PKD2L1: variants seen among roughly 807,000 people sequenced by gnomAD.
The protein encoded by PKD2L1 is polycystin 2 like 1, transient receptor potential cation channel.
PKD2L1 carries 77 observed loss-of-function variants against 93.0 expected under a neutral mutation model. That is an observed-to-expected ratio of 0.83 (90% confidence interval 0.69 to 1.00). The LOEUF (loss-of-function observed/expected upper bound fraction) is 1.00. Among genes scored for constraint, PKD2L1 ranks in the 50% least tolerant of loss-of-function variants. PKD2L1 has a pLI of 0.00. For synonymous variants in PKD2L1, 390 were observed against 388.0 expected (o/e 1.01, Z -0.06); for missense variants, 977 against 990.9 (o/e 0.99, Z 0.19).
intron 2 of PKD2L1, among the ~76,000 whole-genome samples, chr10:100,326,084 G>T (rs77666195): frequency 0.018 from 2,814 of 152,164 alleles, 53 homozygotes; most frequent in Middle Eastern, 0.051. Flanking sequence ...CTTAGCACAG[G>T]ACTATCATCT....
chr10:100,310,008 T>C (rs1848897333), intron 2 of PKD2L1, among the ~76,000 whole-genome samples: 1 of 152,184 alleles, frequency 6.6e-6, no homozygotes, highest in Admixed American at 6.5e-5. Context: ...TCCAAAAAGG[T>C]TGCACCATTT....
chr10:100,294,589 G>A lies in PKD2L1; in HGVS notation c.1605C>T (p.Ile535=). The change falls in exon 9 of 16, where the codon ATC becomes ATT. Residue 535 remains isoleucine (I), a synonymous_variant. Transcript: ENST00000318222. ...AGGTGACAAAGTAGGCAGGGCCCAG[G>A]ATGCGGTTGGCATTGTCGATAGCAT... ...DYNAIDNANR[I]LGPAYFVTYV... is the part of the protein sequence containing the mutation. 6.2e-7 allele frequency: 1 copy of A among 1,614,026 alleles called. No individual in the cohort carries two copies. Among genetic ancestry groups the A allele is most frequent in the Non-Finnish European group, 8.5e-7 (1 of 1,179,964 alleles).
Position 100,297,104 on chromosome 10 carries a change from C to T in PKD2L1, c.1061G>A (p.Gly354Asp), listed in dbSNP as rs371295711. 6.2e-7 allele frequency: 1 copy of T among 1,614,160 alleles called. No homozygotes were observed. The highest frequency in any genetic ancestry group is 1.7e-5 in the Admixed American group (1 of 60,020). ...GAAGACGCAGAAGATGACCTCACAG[C>T]CAACGATAAAGAAGTCCCAGTTGCT... ...YVSNWDFFIV[G>D]CEVIFCVFIF... Residue 354 changes from glycine to aspartate, a missense_variant, in exon 6 of 16, where the codon GGC (glycine) becomes GAC (aspartate). Transcript: ENST00000318222.
At position 100,328,759 on chromosome 10, in the gene PKD2L1, T is replaced by C. The variant is rs148465510; in HGVS notation, c.349+452A>G. Among the ~76,000 whole-genome samples the C allele has an allele frequency of 6.3e-3, 959 of 152,290 alleles. 9 individuals carry two copies. The highest frequency in any genetic ancestry group is 0.021 in the African/African-American group (891 of 41,552). The stretch of plus-strand genomic sequence containing the variant: ...CAGGCACCTGCCACCCAGCTAATTT[T>C]TGTATTTTTAGTAGAGACAGGGTTT... On this transcript the variant is annotated intron_variant, in intron 2 of 15. Transcript: ENST00000318222.
At chr10:100,306,790 C>CAAGGCTGCA (rs1031296501) in intron 2 of PKD2L1, among the ~76,000 whole-genome samples, 10 of 128,998 alleles carry the variant, frequency 7.8e-5, no homozygotes, top group African/African-American at 2.9e-4. Flanking sequence ...CTTAGGAGAT[C>CAAGGCTGCA]AAGGCTGCAG....
intron 7 of PKD2L1, 49 bp from the exon 8 acceptor site, chr10:100,295,172 C>T (rs749839144): frequency 2.6e-6 from 4 of 1,537,132 alleles, no homozygotes; most frequent in Non-Finnish European, 2.7e-6. Flanking sequence ...AAGGGAAAAG[C>T]ATTGAAAAGT....
At chr10:100,294,677 T>C in intron 8 of PKD2L1, 22 bp from the exon 9 acceptor site, 1 of 1,613,850 alleles carries the variant, frequency 6.2e-7, no homozygotes, top group Non-Finnish European at 8.5e-7. Flanking sequence ...GGTCTGGGCT[T>C]TACCCAGAGC....
chr10:100,291,561 T>A (rs1447923146), intron 11 of PKD2L1, 134 bp from the exon 12 acceptor site: 1 of 821,794 alleles, frequency 1.2e-6, no homozygotes, highest in Non-Finnish European at 1.9e-6. Context: ...AGTCTAGCAA[T>A]CTTACCCCCA....
At chr10:100,299,462 C>T (rs1848628470) in intron 3 of PKD2L1, 129 bp downstream of exon 3, 1 of 800,420 alleles carries the variant, frequency 1.2e-6, no homozygotes, top group Admixed American at 2.2e-5. Context: ...TTAATTCAGC[C>T]TGGCCCTTTG....
Position 100,297,618 on chromosome 10 carries a change from A to G in PKD2L1, c.732-12T>C. 2 of 1,607,698 alleles carry G rather than the reference A, an allele frequency of 1.2e-6. No homozygotes were observed. On this transcript the variant is annotated splice_polypyrimidine_tract_variant and intron_variant, in intron 4 of 15. Transcript: ENST00000318222. Reference sequence around the variant, plus strand: ...AGTGGTATGTCCACCTGCCACAGAAAATGCCAGCTGAGCCAGCCCAAAAGT... The same window carrying G: ...AGTGGTATGTCCACCTGCCACAGAAGATGCCAGCTGAGCCAGCCCAAAAGT...
rs1481726553 is a variant in PKD2L1 at position 100,297,480 on chromosome 10, C to T, written c.858G>A (p.Arg286=). 1 of 1,614,078 alleles carries T rather than the reference C, an allele frequency of 6.2e-7. No homozygotes were observed. Among genetic ancestry groups the T allele is most frequent in the South Asian group, 1.1e-5 (1 of 91,080 alleles). ...CCAGCCACAGCCCCTCCTGAAGGGCCCGGAGAGCCTCTGCACTACCCTGTC... is the reference window on the plus strand; with the variant it reads ...CCAGCCACAGCCCCTCCTGAAGGGCTCGGAGAGCCTCTGCACTACCCTGTC... ...GSRQGSAEAL[R]ALQEGLWLDR... The change falls in exon 5 of 16, where the codon CGG becomes CGA. Residue 286 remains arginine, a synonymous_variant. Coordinates refer to ENST00000318222, the MANE Select transcript of PKD2L1 (RefSeq NM_016112.3).
chr10:100,299,842 T>C lies in PKD2L1; in HGVS notation c.350-124A>G, dbSNP rs59961385. On this transcript the variant is annotated intron_variant, in intron 2 of 15. Transcript: ENST00000318222. ...GCCCATCCCCCATCTGGACCCATCC[T>C]CTAGACTTGGTTAGGAGCCTAATGG... The C allele has an allele frequency of 0.014, 11,776 of 813,322 alleles. 930 individuals carry two copies. In the African/African-American group the frequency reaches 0.17, roughly 12 times the overall value. 50.4% of individuals were successfully genotyped at this position (813,322 alleles called of 1,614,324 possible). A position where few individuals can be genotyped will look rare whatever the true frequency, so the allele number is the denominator to read the frequency against.
At chr10:100,319,153 T>A (rs1260623) in intron 2 of PKD2L1, among the ~76,000 whole-genome samples, 147,052 of 152,344 alleles carry the variant, frequency 0.97, 71,084 homozygotes, top group Middle Eastern at 0.99. Context: ...GCTGAGATGT[T>A]TTTCAATATT....
chr10:100,296,133 C>T lies in PKD2L1; in HGVS notation c.1345G>A (p.Ala449Thr), dbSNP rs149093514. 378 of 1,608,534 alleles carry T rather than the reference C, an allele frequency of 2.3e-4. 3 individuals carry two copies. Among genetic ancestry groups the T allele is most frequent in the South Asian group, 3.3e-4 (30 of 89,908 alleles). Residue 449 changes from alanine to threonine, a missense_variant, in exon 7 of 16, where the codon GCC becomes ACC. Ala to Thr is a moderately conservative substitution (Grantham distance 58). Transcript: ENST00000318222. ...NNMNAVNLFF[A>T]WIKIFKYISF... ...GGAATCCCAGGTACCTTGATCCAGG[C>T]GAAGAAGAGGTTGACAGCATTCATG...
At chr10:100,324,850 C>T (rs1475464206) in intron 2 of PKD2L1, among the ~76,000 whole-genome samples, 4 of 152,152 alleles carry the variant, frequency 2.6e-5, no homozygotes, top group African/African-American at 7.2e-5. Context: ...CATTTGAACC[C>T]GGTCATGGGA....
rs1318624910 is a variant in PKD2L1, at chr10:100,296,040, AAAAAAAAAG to A, written c.1356+73_1356+81del. On this transcript the variant is annotated intron_variant, in intron 7 of 15. Coordinates refer to ENST00000318222, the MANE Select transcript of PKD2L1 (RefSeq NM_016112.3). The stretch of plus-strand genomic sequence containing the variant: ...CAAGAGCGAGACTCCATCTCAAAAA[AAAAAAAAAG>A]AAAAAAAAGAAAAGAAAAGAAGGGA... 31 of 1,368,154 alleles carry A rather than the reference AAAAAAAAAG, an allele frequency of 2.3e-5. No homozygotes were observed. In the Admixed American group the frequency reaches 3.2e-4, roughly 14 times the overall value. The allele number at this position is 1,368,154 out of a possible 1,614,324, so 84.8% of individuals were successfully genotyped here. A position where few individuals can be genotyped will look rare whatever the true frequency, so the allele number is the denominator to read the frequency against.
intron 2 of PKD2L1, among the ~76,000 whole-genome samples, chr10:100,315,088 AG>A (rs1171244053): frequency 1.3e-4 from 7 of 55,944 alleles, no homozygotes; most frequent in African/African-American, 3.8e-4. Flanking sequence ...AGGGAAGGGA[AG>A]GGAAGGGAAG....
chr10:100,295,884 A>G (rs142110453), intron 7 of PKD2L1, among the ~76,000 whole-genome samples: 18,504 of 150,886 alleles, frequency 0.12, 1,166 homozygotes, highest in Admixed American at 0.15. Flanking sequence ...AAAAATACAA[A>G]AATTAGCCAG....
chr10:100,329,122 C>T (rs1849443121), intron 2 of PKD2L1, 89 bp downstream of exon 2: 3 of 1,279,358 alleles, frequency 2.3e-6, no homozygotes, highest in African/African-American at 1.5e-5. Flanking sequence ...GCTCGCTCCA[C>T]AGATGTTGCC....
Sources: gnomAD v4.1 joint callset for allele counts (sites outside exome capture counted in the v4.1 genomes callset) on GRCh38, gnomAD v4.1.1 for gene constraint, MANE v1.5 for transcripts, NCBI Gene and HGNC (gene_info 2026-07-23, HGNC 2026-07-21) for gene names.